Variants in GRID1 observed in about 807,000 individuals in gnomAD.
GRID1 encodes glutamate ionotropic receptor delta type subunit 1.
In GRID1, 28 loss-of-function variants were observed where a neutral mutation model predicts 98.0. The ratio of observed to expected loss-of-function variants is 0.29; its 90% confidence interval spans 0.21 to 0.39. The LOEUF is 0.39. Among genes scored for constraint, GRID1 ranks in the 10% least tolerant of loss-of-function variants. The probability of loss-of-function intolerance (pLI) is 1.00; values close to 1 mark genes in which losing one functional copy is unlikely to be tolerated. For synonymous variants in GRID1, 553 were observed against 538.5 expected (o/e 1.03, Z -0.37); for missense variants, 1,111 against 1,340.5 (o/e 0.83, Z 2.67).
At chr10:85,818,486 T>C (rs1290881393) in intron 8 of GRID1, among the ~76,000 whole-genome samples, 4 of 152,224 alleles carry the variant, frequency 2.6e-5, no homozygotes, top group Non-Finnish European at 5.9e-5. Context: ...ATCACCCATA[T>C]TTTAGTTTCT....
intron 4 of GRID1, among the ~76,000 whole-genome samples, chr10:86,107,766 G>A (rs1029107812): frequency 6.6e-6 from 1 of 152,190 alleles, no homozygotes; most frequent in Non-Finnish European, 1.5e-5. Flanking sequence ...CACTTCAGCA[G>A]GTACCGGGAG....
chr10:85,983,491 A>C (rs1842570918), intron 4 of GRID1, among the ~76,000 whole-genome samples: 1 of 152,202 alleles, frequency 6.6e-6, no homozygotes, highest in African/African-American at 2.4e-5. Context: ...AATTTTTGCA[A>C]CTTCCCTTTA....
chr10:85,967,710 G>C (rs1019363787), intron 4 of GRID1, among the ~76,000 whole-genome samples: 6 of 152,140 alleles, frequency 3.9e-5, no homozygotes, highest in African/African-American at 9.7e-5. Context: ...CTAAGAAGGA[G>C]AACTCAGGGA....
chr10:86,017,982 T>C (rs569674651), intron 4 of GRID1, among the ~76,000 whole-genome samples: 2 of 152,204 alleles, frequency 1.3e-5, no homozygotes, highest in East Asian at 3.9e-4. Flanking sequence ...CACCGCAGAT[T>C]TCCTGTGCCA....
At chr10:85,831,042 G>A (rs925403475) in intron 8 of GRID1, among the ~76,000 whole-genome samples, 2 of 151,948 alleles carry the variant, frequency 1.3e-5, no homozygotes, top group Non-Finnish European at 2.9e-5. Flanking sequence ...TACAATGGCA[G>A]ACATGAAGTC....
rs11817615 is a variant in GRID1, at chr10:86,250,893, C to T, written c.236-44245G>A. ...GCCATGATGACAAAGGAGGTTTTGTCGAATAGAAAAGGGGGAAATGTGGGG... is the reference window on the plus strand; with the variant it reads ...GCCATGATGACAAAGGAGGTTTTGTTGAATAGAAAAGGGGGAAATGTGGGG... On this transcript the variant is annotated intron_variant, in intron 2 of 15. Coordinates refer to ENST00000327946, the MANE Select transcript of GRID1 (RefSeq NM_017551.3). Among the ~76,000 whole-genome samples the T allele has an allele frequency of 9.8e-3, 1,491 of 152,098 alleles. 32 individuals are homozygous for T. Among genetic ancestry groups the T allele is most frequent in the African/African-American group, 0.033 (1,375 of 41,460 alleles).
chr10:85,701,872 G>A (rs77363709), intron 12 of GRID1, among the ~76,000 whole-genome samples: 16,910 of 151,922 alleles, frequency 0.11, 1,103 homozygotes, highest in African/African-American at 0.19. Context: ...AGTGTATACC[G>A]CTCGGGAGAC....
intron 8 of GRID1, among the ~76,000 whole-genome samples, chr10:85,737,673 T>TATATATATATATATATATATAAAA (rs1342754070): frequency 1.8e-5 from 2 of 113,054 alleles, no homozygotes; most frequent in Non-Finnish European, 3.7e-5. Context: ...TATATATATA[T>TATATATATATATATATATATAAAA]AAACATATAT....
chr10:85,681,012 A>C (rs998554692), intron 12 of GRID1, among the ~76,000 whole-genome samples: 1 of 152,180 alleles, frequency 6.6e-6, no homozygotes, highest in Non-Finnish European at 1.5e-5. Context: ...GGGAGGAGAA[A>C]TTACCTTATG....
At chr10:85,751,172 C>G (rs1407531995) in intron 8 of GRID1, among the ~76,000 whole-genome samples, 1 of 152,148 alleles carries the variant, frequency 6.6e-6, no homozygotes, top group Non-Finnish European at 1.5e-5. Context: ...CTAAACGGAG[C>G]AGAAAGTCTG....
chr10:85,798,360 G>A (rs1239084337), intron 8 of GRID1, among the ~76,000 whole-genome samples: 9 of 152,114 alleles, frequency 5.9e-5, no homozygotes, highest in Non-Finnish European at 2.9e-5. Flanking sequence ...AGAAATTAAG[G>A]CAAAACAGTA....
At chr10:86,183,381 T>C (rs1845684935) in intron 3 of GRID1, among the ~76,000 whole-genome samples, 2 of 150,934 alleles carry the variant, frequency 1.3e-5, no homozygotes, top group Admixed American at 6.6e-5. Context: ...TTTATTGAGA[T>C]AGAGTTTCAC....
chr10:86,258,196 C>A (rs1846955862), intron 2 of GRID1, among the ~76,000 whole-genome samples: 1 of 152,114 alleles, frequency 6.6e-6, no homozygotes. Context: ...AACAGACTCA[C>A]ATATAGAGCA....
At chr10:85,860,278 G>A (rs1843152580) in intron 6 of GRID1, among the ~76,000 whole-genome samples, 1 of 152,222 alleles carries the variant, frequency 6.6e-6, no homozygotes, top group Admixed American at 6.5e-5. Flanking sequence ...GGAGCCCAGG[G>A]CTCTGGGTGA....
rs953517951 is a variant in GRID1, at chr10:85,666,375, G to A, written c.1998-18978C>T. 3.9e-5 allele frequency among the ~76,000 whole-genome samples: 6 copies of A among 152,182 alleles called. No individual in the cohort carries two copies. The East Asian group carries it at 9.7e-4, about 25-fold the overall frequency. ...CCAGCTCTAGAACAGTTCTCCTGGA[G>A]GGTGTGGATAGGGACCTCCCTCCAG... On this transcript the variant is annotated intron_variant, in intron 12 of 15. Coordinates refer to ENST00000327946, the MANE Select transcript of GRID1 (RefSeq NM_017551.3).
chr10:85,895,205 A>C (rs1841273537), intron 5 of GRID1, among the ~76,000 whole-genome samples: 3 of 151,360 alleles, frequency 2.0e-5, no homozygotes, highest in Non-Finnish European at 4.4e-5. Flanking sequence ...CCTGAGCCTG[A>C]ATCCATCTCA....
chr10:86,043,490 C>G (rs1365712377), intron 4 of GRID1, among the ~76,000 whole-genome samples: 1 of 152,204 alleles, frequency 6.6e-6, no homozygotes, highest in East Asian at 1.9e-4. Flanking sequence ...CTCCTGCGGG[C>G]CTGTTGCTGG....
chr10:86,027,160 G>T (rs1262329514), intron 4 of GRID1, among the ~76,000 whole-genome samples: 1 of 152,152 alleles, frequency 6.6e-6, no homozygotes, highest in Non-Finnish European at 1.5e-5. Context: ...AGTATAAGAT[G>T]CCACAGCATT....
intron 2 of GRID1, among the ~76,000 whole-genome samples, chr10:86,331,280 C>T (rs1298931999): frequency 6.6e-6 from 1 of 152,216 alleles, no homozygotes. Flanking sequence ...GCCTTGGACT[C>T]CCATGCTAGA....
Sources: gnomAD v4.1 joint callset for allele counts (sites outside exome capture counted in the v4.1 genomes callset) on GRCh38, gnomAD v4.1.1 for gene constraint, MANE v1.5 for transcripts, NCBI Gene and HGNC (gene_info 2026-07-23, HGNC 2026-07-21) for gene names.